The following DSCAML1 variants were observed in gnomAD, a reference collection of about 807,000 sequenced individuals.
The protein encoded by DSCAML1 is cell adhesion molecule DSCAML1.
DSCAML1 carries 38 observed loss-of-function variants against 200.5 expected under a neutral mutation model. The observed-to-expected ratio is 0.19, with a 90% CI of 0.15 to 0.25. The LOEUF (loss-of-function observed/expected upper bound fraction) is 0.25. Among genes scored for constraint, DSCAML1 ranks in the 10% least tolerant of loss-of-function variants. The pLI is 1.00. For missense variants in DSCAML1, 2,223 were observed against 2,858.8 expected, an observed-to-expected ratio of 0.78 and a Z score of 5.07; for synonymous variants, 1,215 against 1,165.0, an observed-to-expected ratio of 1.04 and a Z score of -0.87.
At chr11:117,591,162 A>G (rs1442186123) in intron 3 of DSCAML1, among the ~76,000 whole-genome samples, 2 of 152,044 alleles carry the variant, frequency 1.3e-5, no homozygotes, top group African/African-American at 2.4e-5. Context: ...TCATTTATGT[A>G]TTTATTCACA....
intron 3 of DSCAML1, among the ~76,000 whole-genome samples, chr11:117,579,014 T>C (rs891596012): frequency 2.0e-5 from 3 of 152,246 alleles, no homozygotes; most frequent in Non-Finnish European, 2.9e-5. Context: ...TTGATTCTTC[T>C]GTTTTCCTTT....
At chr11:117,770,956 T>G (rs1033788480) in intron 3 of DSCAML1, among the ~76,000 whole-genome samples, 2 of 152,126 alleles carry the variant, frequency 1.3e-5, no homozygotes, top group Non-Finnish European at 2.9e-5. Flanking sequence ...GCCCTGAGAG[T>G]GAGCAGGAGA....
chr11:117,739,017 TA>T, intron 3 of DSCAML1, among the ~76,000 whole-genome samples: 1 of 152,218 alleles, frequency 6.6e-6, no homozygotes, highest in South Asian at 2.1e-4. Context: ...ACAACACATG[TA>T]GTTTGTAGGG....
chr11:117,635,247 G>C (rs1326224466), intron 3 of DSCAML1, among the ~76,000 whole-genome samples: 1 of 152,206 alleles, frequency 6.6e-6, no homozygotes, highest in African/African-American at 2.4e-5. Flanking sequence ...AGGAGCGGAT[G>C]GGGAGGGAGA....
At chr11:117,709,539 T>C (rs2508559) in intron 3 of DSCAML1, among the ~76,000 whole-genome samples, 135,767 of 152,018 alleles carry the variant, frequency 0.89, 61,483 homozygotes, top group Non-Finnish European at 0.97. Context: ...TTGCGGGGGT[T>C]GGGGGGAGTG....
intron 3 of DSCAML1, among the ~76,000 whole-genome samples, chr11:117,571,075 A>C (rs2137436297): frequency 6.6e-6 from 1 of 152,376 alleles, no homozygotes; most frequent in African/African-American, 2.4e-5. Context: ...TGATATAATG[A>C]AACTCAAACC....
chr11:117,611,542 CT>C, intron 3 of DSCAML1: 1 of 152,308 alleles, frequency 6.6e-6, no homozygotes, highest in Non-Finnish European at 1.5e-5. Context: ...GGCACTCAAC[CT>C]TTTTATTGAA....
intron 3 of DSCAML1, among the ~76,000 whole-genome samples, chr11:117,771,781 A>T (rs1041700684): frequency 6.6e-6 from 1 of 152,212 alleles, no homozygotes; most frequent in African/African-American, 2.4e-5. Flanking sequence ...ACATAAAAAC[A>T]TTATCTCTCT....
At chr11:117,814,802 C>T (rs554218984) in intron 1 of DSCAML1, among the ~76,000 whole-genome samples, 36 of 152,318 alleles carry the variant, frequency 2.4e-4, no homozygotes, top group Non-Finnish European at 5.0e-4. Flanking sequence ...CAGCCTGGCT[C>T]GTCCCCCTCC....
intron 3 of DSCAML1, among the ~76,000 whole-genome samples, chr11:117,634,664 C>T (rs1010954053): frequency 6.6e-6 from 1 of 152,194 alleles, no homozygotes; most frequent in Non-Finnish European, 1.5e-5. Flanking sequence ...GCCACATCCA[C>T]TTGCAAATCC....
At chr11:117,481,432 A>C (rs2048913568) in intron 12 of DSCAML1, among the ~76,000 whole-genome samples, 162 bp from the exon 13 acceptor site, 1 of 151,266 alleles carries the variant, frequency 6.6e-6, no homozygotes, top group East Asian at 1.9e-4. Flanking sequence ...AGGGACTTCC[A>C]AAGATGGAAG....
Position 117,715,229 on chromosome 11 carries a change from C to CTCCCTCCT in DSCAML1, c.511+61554_511+61561dup, listed in dbSNP as rs2053930174. ...CTTCTCCCGGCCTCAGCATGCACTG[C>CTCCCTCCT]TCCCTCCTTCCCTCCTTGTTCCCTT... On this transcript the variant is annotated intron_variant, in intron 3 of 32. Coordinates refer to ENST00000651296, the MANE Select transcript of DSCAML1 (RefSeq NM_020693.4). Among the ~76,000 whole-genome samples, 5 of 152,068 alleles carry CTCCCTCCT rather than the reference C, an allele frequency of 3.3e-5. No individual in the cohort carries two copies. The South Asian group carries it at 1.0e-3, about 32-fold the overall frequency.
intron 3 of DSCAML1, among the ~76,000 whole-genome samples, chr11:117,544,265 C>T (rs1252040289): frequency 6.6e-6 from 1 of 152,208 alleles, no homozygotes; most frequent in African/African-American, 2.4e-5. Flanking sequence ...TACAGGTTAC[C>T]AGTTGCTGCT....
At chr11:117,709,486 C>T (rs1285758882) in intron 3 of DSCAML1, among the ~76,000 whole-genome samples, 1 of 152,108 alleles carries the variant, frequency 6.6e-6, no homozygotes, top group Non-Finnish European at 1.5e-5. Context: ...CCTTAGAAGC[C>T]CCAAATATAG....
At chr11:117,761,503 A>G (rs1591481809) in intron 3 of DSCAML1, among the ~76,000 whole-genome samples, 1 of 152,218 alleles carries the variant, frequency 6.6e-6, no homozygotes, top group African/African-American at 2.4e-5. Context: ...TTGAGTCCCA[A>G]CTTTATTCTT....
chr11:117,443,065 G>A (rs1326370327), intron 21 of DSCAML1, among the ~76,000 whole-genome samples: 1 of 152,200 alleles, frequency 6.6e-6, no homozygotes, highest in Admixed American at 6.5e-5. Context: ...CCGGTAGGCT[G>A]GCCAGGCTGC....
At chr11:117,553,114 A>G (rs11216450) in intron 3 of DSCAML1, among the ~76,000 whole-genome samples, 1 of 152,324 alleles carries the variant, frequency 6.6e-6, no homozygotes, top group East Asian at 1.9e-4. Flanking sequence ...TTCTTCTTCA[A>G]ACAGAAAGGA....
chr11:117,782,073 A>G (rs757519830), intron 1 of DSCAML1, among the ~76,000 whole-genome samples: 1 of 152,222 alleles, frequency 6.6e-6, no homozygotes, highest in Non-Finnish European at 1.5e-5. Flanking sequence ...TCCACCAGGA[A>G]GGTCAAGGAG....
intron 3 of DSCAML1, among the ~76,000 whole-genome samples, chr11:117,626,280 C>A (rs1043970984): frequency 6.6e-6 from 1 of 151,154 alleles, no homozygotes; most frequent in Non-Finnish European, 1.5e-5. Context: ...CAACCTTGGT[C>A]CCCTGGGGAT....
Sources: gnomAD v4.1 joint callset for allele counts (sites outside exome capture counted in the v4.1 genomes callset) on GRCh38, gnomAD v4.1.1 for gene constraint, MANE v1.5 for transcripts, NCBI Gene and HGNC (gene_info 2026-07-23, HGNC 2026-07-21) for gene names.